MUC4: variants seen among roughly 807,000 people sequenced by gnomAD.
The protein encoded by MUC4 is mucin 4, cell surface associated, also known as mucin-4.
MUC4 carries 202 observed loss-of-function variants against 257.9 expected under a neutral mutation model. The ratio of observed to expected loss-of-function variants is 0.78; its 90% confidence interval spans 0.70 to 0.88. The LOEUF (loss-of-function observed/expected upper bound fraction) is 0.88, where lower values mean the gene tolerates loss of function less well. Among genes scored for constraint, MUC4 ranks in the 40% least tolerant of loss-of-function variants. The probability of loss-of-function intolerance (pLI) is 0.00; values close to 1 mark genes in which losing one functional copy is unlikely to be tolerated. For synonymous variants in MUC4, 2,351 were observed against 2,757.1 expected (o/e 0.85, Z 4.62); for missense variants, 5,976 against 6,513.7 (o/e 0.92, Z 2.84).
At chr3:195,764,526 C>G (rs1306164800) in intron 10 of MUC4, among the ~76,000 whole-genome samples, 1 of 152,084 alleles carries the variant, frequency 6.6e-6, no homozygotes, top group African/African-American at 2.4e-5. Flanking sequence ...CTGCTGCTCT[C>G]AACGTGCTGG....
intron 1 of MUC4, among the ~76,000 whole-genome samples, chr3:195,803,963 C>T (rs1735671036): frequency 6.6e-6 from 1 of 152,144 alleles, no homozygotes; most frequent in African/African-American, 2.4e-5. Flanking sequence ...TTGCAATGTT[C>T]CTGGTGTCTC....
At chr3:195,763,747 G>T in intron 11 of MUC4, 106 bp from the exon 12 acceptor site, 2 of 1,194,866 alleles carry the variant, frequency 1.7e-6, no homozygotes, top group South Asian at 1.7e-5. Context: ...CTCAGGGTGA[G>T]GTTCCTCACT....
In MUC4 at chr3:195,781,074, G is replaced by T; in HGVS notation, c.10506C>A (p.Thr3502=). 1.3e-6 allele frequency: 2 copies of T among 1,495,406 alleles called. No homozygotes were observed. The highest frequency in any genetic ancestry group is 1.2e-5 in the South Asian group (1 of 81,938). The allele number at this position is 1,495,406 out of a possible 1,614,324, so 92.6% of individuals were successfully genotyped here. A position where few individuals can be genotyped will look rare whatever the true frequency, so the allele number is the denominator to read the frequency against. The change falls in exon 2 of 25, where the codon ACC becomes ACA. Residue 3502 remains threonine (T), a synonymous_variant. Transcript: ENST00000463781. ...AAGCGCCGGTGACAGGAAGAGTGCT[G>T]GTGTCACCTGTGGATGCTGAGGAAG... ...TIPSSASTGD[T]STLPVTGASS...
chr3:195,802,247 T>C (rs2688482), intron 1 of MUC4, among the ~76,000 whole-genome samples: 99,926 of 152,064 alleles, frequency 0.66, 33,267 homozygotes, highest in East Asian at 0.8. Flanking sequence ...CCTTGTCCCC[T>C]GTGTCCTAGT....
rs1160970939 is a variant in MUC4, at chr3:195,747,214, A to T, written c.16201T>A (p.Phe5401Ile). Residue 5401 changes from phenylalanine (F) to isoleucine (I), a missense_variant, in exon 25 of 25, where the codon TTC becomes ATC. This residue lies in a region of MUC4 where 310 missense variants were observed against 242.1 expected (regional missense o/e 1.28). Transcript: ENST00000463781. ...LRFWGCSGAR[F>I]SYFLNSAEAL... The stretch of plus-strand genomic sequence containing the variant: ...TCAGCTGAGTTCAGGAAATAGGAGA[A>T]CCTGGCCCCGGAGCAACCCCAGAAG... 1 of 1,614,248 alleles carries T rather than the reference A, an allele frequency of 6.2e-7. No individual in the cohort carries two copies. Among genetic ancestry groups the T allele is most frequent in the Non-Finnish European group, 8.5e-7 (1 of 1,180,042 alleles).
chr3:195,752,520 GC>G, intron 20 of MUC4, 74 bp from the exon 21 acceptor site: 1 of 1,348,764 alleles, frequency 7.4e-7, no homozygotes, highest in African/African-American at 1.4e-5. Context: ...TGTCGGGCCA[GC>G]CCAAGTTGAC....
In MUC4 at chr3:195,789,330, G is replaced by T; in HGVS notation, c.2250C>A (p.Gly750=). 6.2e-7 allele frequency: 1 copy of T among 1,613,860 alleles called. No individual in the cohort carries two copies. Reference sequence around the variant, plus strand: ...AGGCTGATGTCCATTGTCCTTCTGGGCCCCCTGGTGTTGACACTACAGAGT... The same window carrying T: ...AGGCTGATGTCCATTGTCCTTCTGGTCCCCCTGGTGTTGACACTACAGAGT... ...LANSVVSTPG[G]PEGQWTSASA... is the part of the protein sequence containing the mutation. Residue 750 remains glycine (G), a synonymous_variant, in exon 2 of 25, where the codon GGC becomes GGA. Coordinates refer to ENST00000463781, the MANE Select transcript of MUC4 (RefSeq NM_018406.7).
chr3:195,775,908 TACCTTCCACACCCATACCTTCCACAGTCA>T, intron 3 of MUC4, among the ~76,000 whole-genome samples: 19 of 112,428 alleles, frequency 1.7e-4, no homozygotes, highest in Admixed American at 2.6e-4. Flanking sequence ...TCCACACCCA[TACCTTCCACACCCATACCTTCCACAGTCA>T]TACCTTCCAC....
chr3:195,805,066 C>CTTT (rs10643598), intron 1 of MUC4, among the ~76,000 whole-genome samples: 2,360 of 147,326 alleles, frequency 0.016, 51 homozygotes, highest in African/African-American at 0.041. Context: ...TTATCTTTAT[C>CTTT]TTTTTTTTTT....
In MUC4 at chr3:195,784,141, G is replaced by A. The variant is rs200284897; in HGVS notation, c.7439C>T (p.Pro2480Leu). Reference sequence around the variant, plus strand: ...TGACGAAGCGTCGGTGACAAGAAGAGGGGTGGTGTGACCTGTGGATACTGA... The same window carrying A: ...TGACGAAGCGTCGGTGACAAGAAGAAGGGTGGTGTGACCTGTGGATACTGA... ...TSSVSTGHTT[P>L]LLVTDASSVS... The change falls in exon 2 of 25, where the codon CCT becomes CTT. Residue 2480 changes from proline (P) to leucine (L), a missense_variant. Around this residue, in one of 44 missense-constraint regions of MUC4, gnomAD observed 57 missense variants for 116.5 expected, o/e 0.49. Coordinates refer to ENST00000463781, the MANE Select transcript of MUC4 (RefSeq NM_018406.7). 4.6e-6 allele frequency: 7 copies of A among 1,529,252 alleles called. No homozygotes were observed. The highest frequency in any genetic ancestry group is 2.4e-5 in the South Asian group (2 of 83,272). The allele number at this position is 1,529,252 out of a possible 1,614,324, so 94.7% of individuals were successfully genotyped here.
At position 195,780,265 on chromosome 3, in the gene MUC4, C is replaced by A. The variant is rs199792563; in HGVS notation, c.11315G>T (p.Gly3772Val). The change falls in exon 2 of 25, where the codon GGT (glycine) becomes GTT (valine). Residue 3772 changes from glycine (G) to valine (V), a missense_variant. Gly to Val is a moderately radical substitution (Grantham distance 109, BLOSUM62 -3). Coordinates refer to ENST00000463781, the MANE Select transcript of MUC4 (RefSeq NM_018406.7). ...GGTGACAGGAAGAGGCGTGGCGTGA[C>A]CTGTGGACACTGAGGAAGCGTCGGT... Reference protein sequence around the residue: ...LVTDASSVSTGHATPLPVTDA... With the variant: ...LVTDASSVSTVHATPLPVTDA... 104 of 1,507,562 alleles carry A rather than the reference C, an allele frequency of 6.9e-5. 4 individuals are homozygous for A. In the African/African-American group the frequency reaches 1.5e-3, roughly 22 times the overall value. The allele number at this position is 1,507,562 out of a possible 1,614,324, so 93.4% of individuals were successfully genotyped here.
chr3:195,802,693 G>C (rs76957925), intron 1 of MUC4, among the ~76,000 whole-genome samples: 3,931 of 152,204 alleles, frequency 0.026, 157 homozygotes, highest in African/African-American at 0.088. Context: ...AATGACCTTC[G>C]TCTGGTTGTG....
chr3:195,754,445 C>A (rs1339169873), intron 18 of MUC4, 73 bp from the exon 19 acceptor site: 5 of 1,518,768 alleles, frequency 3.3e-6, no homozygotes, highest in Non-Finnish European at 4.4e-6. Flanking sequence ...TTCTGACTGA[C>A]CCCTTTGGCC....
chr3:195,746,822 A>G lies in MUC4; in HGVS notation c.*354T>C, dbSNP rs2148730813. 1 of 352,342 alleles carries G rather than the reference A, an allele frequency of 2.8e-6. No homozygotes were observed. The highest frequency in any genetic ancestry group is 4.5e-5 in the Admixed American group (1 of 22,436). The allele number at this position is 352,342 out of a possible 1,614,324, so 21.8% of individuals were successfully genotyped here. ...TTTAAATAGAGTTAATTTGAAGTAA[A>G]CCAGAGAGTTTTGTGTGCAGAAGCA... On this transcript the variant is annotated 3_prime_UTR_variant, in exon 25 of 25. Transcript: ENST00000463781.
At chr3:195,759,340 A>C in intron 16 of MUC4, 79 bp from the exon 17 acceptor site, 1 of 1,554,526 alleles carries the variant, frequency 6.4e-7, no homozygotes. Flanking sequence ...TCTCAACTCT[A>C]ATATGTGTGA....
chr3:195,749,026 C>CA lies in MUC4; in HGVS notation c.15909dup (p.Gly5304TrpfsTer23), dbSNP rs1458156541. The CA allele has an allele frequency of 1.2e-6, 2 of 1,608,964 alleles. No individual in the cohort carries two copies. Among genetic ancestry groups the CA allele is most frequent in the African/African-American group, 2.7e-5 (2 of 74,648 alleles). On this transcript the variant is annotated frameshift_variant, in exon 24 of 25. Transcript: ENST00000463781. LOFTEE classifies it high-confidence loss of function. ...TAGACCAGGTCGTAGCCCTTGTAGC[C>CA]ATCGCATCTGAAGTAAGCCTTCAGC...
Position 195,782,868 on chromosome 3 carries a change from T to G in MUC4, c.8712A>C (p.Ser2904=), listed in dbSNP as rs1336636081. Residue 2904 remains serine (S), a synonymous_variant, in exon 2 of 25, where the codon TCA becomes TCC. Coordinates refer to ENST00000463781, the MANE Select transcript of MUC4 (RefSeq NM_018406.7). ...ATPLPLTSLS[S]VSTGDTTPLP... ...GAGGCGTGGTGTCACCTGTGGATAC[T>G]GAGGAAAGGCTGGTGAGAGGAAGAG... is the stretch of plus-strand genomic sequence containing the variant. 1 of 1,521,410 alleles carries G rather than the reference T, an allele frequency of 6.6e-7. No homozygotes were observed. The highest frequency in any genetic ancestry group is 1.4e-5 in the African/African-American group (1 of 69,486). The allele number at this position is 1,521,410 out of a possible 1,614,324, so 94.2% of individuals were successfully genotyped here.
Position 195,749,065 on chromosome 3 carries a change from CT to C in MUC4, c.15872-2del. 1 of 1,607,280 alleles carries C rather than the reference CT, an allele frequency of 6.2e-7. No homozygotes were observed. Among genetic ancestry groups the C allele is most frequent in the Non-Finnish European group, 8.5e-7 (1 of 1,175,990 alleles). Reference sequence around the variant, plus strand: ...TAAGCCTTCAGCGTGCTCACGTTCACTGTCGGGAAGGACACAGATTAACACA... The same window carrying C: ...TAAGCCTTCAGCGTGCTCACGTTCACGTCGGGAAGGACACAGATTAACACA... On this transcript the variant is annotated splice_acceptor_variant, in intron 23 of 24. Transcript: ENST00000463781. LOFTEE classifies it high-confidence loss of function.
intron 3 of MUC4, among the ~76,000 whole-genome samples, chr3:195,774,782 C>T (rs1723956555): frequency 6.6e-6 from 1 of 151,858 alleles, no homozygotes; most frequent in Admixed American, 6.6e-5. Context: ...TGCCTGTAAT[C>T]CCAGCCACTC....
Sources: gnomAD v4.1 joint callset for allele counts (sites outside exome capture counted in the v4.1 genomes callset) on GRCh38, gnomAD v4.1.1 for gene constraint, gnomAD v4.1.1 regional missense constraint, MANE v1.5 for transcripts, NCBI Gene and HGNC (gene_info 2026-07-23, HGNC 2026-07-21) for gene names.